GPC5: variants seen among roughly 807,000 people sequenced by gnomAD.
GPC5 encodes the protein glypican 5.
In GPC5, 47 loss-of-function variants were observed where a neutral mutation model predicts 53.9. The observed-to-expected ratio is 0.87, with a 90% confidence interval of 0.69 to 1.11. The LOEUF (loss-of-function observed/expected upper bound fraction) is 1.11. GPC5 is among the 50% of genes most tolerant of loss of function. GPC5 has a pLI of 0.00. For synonymous variants in GPC5, 286 were observed against 263.3 expected (o/e 1.09, Z -0.84); for missense variants, 748 against 713.1 (o/e 1.05, Z -0.56).
chr13:92,503,078 A>T (rs2138936697), intron 7 of GPC5, among the ~76,000 whole-genome samples: 2 of 152,168 alleles, frequency 1.3e-5, no homozygotes, highest in South Asian at 4.1e-4. Context: ...TCTTTTAAAA[A>T]AATCTGTATA....
intron 7 of GPC5, among the ~76,000 whole-genome samples, chr13:92,682,891 T>C (rs1345330678): frequency 6.6e-6 from 1 of 151,588 alleles, no homozygotes; most frequent in Non-Finnish European, 1.5e-5. Context: ...AATGTGGGAG[T>C]AGGGTTAATA....
intron 7 of GPC5, among the ~76,000 whole-genome samples, chr13:92,157,586 C>T (rs1041447623): frequency 7.9e-5 from 12 of 152,058 alleles, no homozygotes; most frequent in East Asian, 3.9e-4. Context: ...AAAGAATTTA[C>T]AATTACAAAT....
At chr13:91,911,139 G>A (rs574301322) in intron 6 of GPC5, among the ~76,000 whole-genome samples, 2 of 152,262 alleles carry the variant, frequency 1.3e-5, no homozygotes, top group Admixed American at 6.5e-5. Flanking sequence ...AGCTAAAACA[G>A]GGTGAGTTAA....
chr13:92,778,806 A>G (rs1393665404), intron 7 of GPC5, among the ~76,000 whole-genome samples: 1 of 152,220 alleles, frequency 6.6e-6, no homozygotes, highest in African/African-American at 2.4e-5. Flanking sequence ...TTCATGCAAA[A>G]TGACAGTGAC....
At chr13:92,471,510 C>T (rs138116399) in intron 7 of GPC5, among the ~76,000 whole-genome samples, 5 of 146,276 alleles carry the variant, frequency 3.4e-5, no homozygotes, top group African/African-American at 1.3e-4. Context: ...CCCTGGAGTC[C>T]TTTTATTGCA....
chr13:92,802,649 A>C (rs928692422), intron 7 of GPC5, among the ~76,000 whole-genome samples: 5 of 151,802 alleles, frequency 3.3e-5, no homozygotes, highest in Admixed American at 2.0e-4. Context: ...CCATGTTCCT[A>C]CAAAGGACAT....
intron 3 of GPC5, among the ~76,000 whole-genome samples, chr13:91,707,841 C>CAAA (rs534688035): frequency 4.0e-5 from 6 of 151,214 alleles, no homozygotes; most frequent in African/African-American, 1.5e-4. Flanking sequence ...TATATATCCA[C>CAAA]AAAAAAAATA....
At chr13:91,448,107 A>G (rs549143199) in intron 1 of GPC5, among the ~76,000 whole-genome samples, 7 of 152,364 alleles carry the variant, frequency 4.6e-5, no homozygotes, top group Non-Finnish European at 5.9e-5. Flanking sequence ...CATGCAATAT[A>G]CATCTTCACA....
intron 7 of GPC5, among the ~76,000 whole-genome samples, chr13:92,616,948 T>G (rs1884710697): frequency 6.6e-6 from 1 of 152,060 alleles, no homozygotes; most frequent in South Asian, 2.1e-4. Context: ...AAATAAAAAA[T>G]ATTGAATATA....
intron 7 of GPC5, among the ~76,000 whole-genome samples, chr13:92,157,436 C>T (rs2041952958): frequency 1.3e-5 from 2 of 152,124 alleles, no homozygotes; most frequent in Non-Finnish European, 2.9e-5. Context: ...GAAAGTTAGG[C>T]TGCTTCCCTG....
chr13:91,776,353 A>C (rs558397072), intron 5 of GPC5, among the ~76,000 whole-genome samples: 18 of 152,162 alleles, frequency 1.2e-4, no homozygotes, highest in Non-Finnish European at 2.4e-4. Context: ...AATTAAGTTA[A>C]TGTGGCTTTG....
At chr13:91,577,109 T>C (rs2032167412) in intron 2 of GPC5, among the ~76,000 whole-genome samples, 1 of 152,174 alleles carries the variant, frequency 6.6e-6, no homozygotes, top group South Asian at 2.1e-4. Context: ...GAACAGATTA[T>C]TGGTTCTTCC....
chr13:91,864,832 T>G (rs1376462402), intron 5 of GPC5, among the ~76,000 whole-genome samples: 1 of 152,092 alleles, frequency 6.6e-6, no homozygotes, highest in African/African-American at 2.4e-5. Flanking sequence ...TTTGGGATCC[T>G]GAAACTGAAG....
intron 3 of GPC5, among the ~76,000 whole-genome samples, chr13:91,712,386 A>ATATG (rs1299139478): frequency 6.6e-6 from 1 of 151,468 alleles, no homozygotes; most frequent in Non-Finnish European, 1.5e-5. Flanking sequence ...GTGTGTATAT[A>ATATG]TATGTGTGTG....
chr13:92,702,503 T>G (rs937964644), intron 7 of GPC5, among the ~76,000 whole-genome samples: 1 of 152,102 alleles, frequency 6.6e-6, no homozygotes, highest in African/African-American at 2.4e-5. Context: ...GGATGAATCC[T>G]TGAGTTACCC....
chr13:91,744,633 A>C (rs868433905), intron 4 of GPC5, among the ~76,000 whole-genome samples: 17 of 152,196 alleles, frequency 1.1e-4, no homozygotes, highest in African/African-American at 3.9e-4. Context: ...AGAATAAAGA[A>C]GGCTTTTCAT....
intron 7 of GPC5, among the ~76,000 whole-genome samples, chr13:92,604,799 T>G (rs914628640): frequency 2.0e-5 from 3 of 152,232 alleles, no homozygotes; most frequent in Non-Finnish European, 4.4e-5. Context: ...TTTTATTTTA[T>G]ACATATTTTT....
At chr13:92,094,802 T>C (rs1470897590) in intron 6 of GPC5, among the ~76,000 whole-genome samples, 3 of 151,436 alleles carry the variant, frequency 2.0e-5, no homozygotes, top group African/African-American at 7.3e-5. Context: ...CCAATTCTTT[T>C]GTTCACATAT....
At chr13:91,470,407 C>T (rs1255134939) in intron 2 of GPC5, among the ~76,000 whole-genome samples, 2 of 152,040 alleles carry the variant, frequency 1.3e-5, no homozygotes, top group African/African-American at 4.8e-5. Flanking sequence ...ATCAGTATCA[C>T]AGTTCAGCTG....
Sources: gnomAD v4.1 joint callset for allele counts (sites outside exome capture counted in the v4.1 genomes callset) on GRCh38, gnomAD v4.1.1 for gene constraint, MANE v1.5 for transcripts, NCBI Gene and HGNC (gene_info 2026-07-23, HGNC 2026-07-21) for gene names.